Variants in PPM1L observed in about 807,000 individuals in gnomAD.
PPM1L encodes the protein protein phosphatase, Mg2+/Mn2+ dependent 1L, also known as protein phosphatase 1L.
PPM1L carries 13 observed loss-of-function variants against 31.4 expected under a neutral mutation model. That is an observed-to-expected ratio of 0.41 (90% CI 0.27 to 0.66). The LOEUF (loss-of-function observed/expected upper bound fraction) is 0.66. Among genes scored for constraint, PPM1L ranks in the 30% least tolerant of loss-of-function variants. The pLI is 0.29. For synonymous variants in PPM1L, 184 were observed against 175.4 expected (o/e 1.05, Z -0.39); for missense variants, 326 against 453.7 (o/e 0.72, Z 2.56).
chr3:160,871,790 T>A (rs144462168), intron 1 of PPM1L, among the ~76,000 whole-genome samples: 280 of 152,272 alleles, frequency 1.8e-3, no homozygotes, highest in Non-Finnish European at 2.8e-3. Context: ...GTATAATATT[T>A]AAGAGTATTT....
chr3:160,788,462 G>A (rs941641868), intron 1 of PPM1L, among the ~76,000 whole-genome samples: 1 of 152,026 alleles, frequency 6.6e-6, no homozygotes, highest in African/African-American at 2.4e-5. Flanking sequence ...CTGATGAAGT[G>A]TAAGAGTTCT....
intron 1 of PPM1L, among the ~76,000 whole-genome samples, chr3:160,828,609 G>A (rs546525010): frequency 1.3e-5 from 2 of 152,076 alleles, no homozygotes; most frequent in African/African-American, 4.8e-5. Context: ...GTATTGCTGG[G>A]GGTGGGTAGA....
chr3:160,793,158 C>T (rs1168488643), intron 1 of PPM1L, among the ~76,000 whole-genome samples: 1 of 152,124 alleles, frequency 6.6e-6, no homozygotes, highest in Non-Finnish European at 1.5e-5. Context: ...TTTCATACCT[C>T]ACTATTTGGA....
At chr3:160,960,013 G>T (rs1715901138) in intron 1 of PPM1L, among the ~76,000 whole-genome samples, 1 of 151,638 alleles carries the variant, frequency 6.6e-6, no homozygotes, top group Non-Finnish European at 1.5e-5. Context: ...CTGTGACTTT[G>T]ATTTTTAACC....
chr3:160,926,602 G>C (rs770019375), intron 1 of PPM1L, among the ~76,000 whole-genome samples: 9 of 152,146 alleles, frequency 5.9e-5, no homozygotes, highest in Non-Finnish European at 7.4e-5. Context: ...ACATTGAATT[G>C]ACTTTGGAGC....
chr3:160,879,168 A>T (rs1353962255), intron 1 of PPM1L, among the ~76,000 whole-genome samples: 1 of 152,166 alleles, frequency 6.6e-6, no homozygotes, highest in Non-Finnish European at 1.5e-5. Flanking sequence ...AAACTTTCCC[A>T]TGTATATGGC....
intron 1 of PPM1L, among the ~76,000 whole-genome samples, chr3:160,809,995 A>C (rs1165247345): frequency 6.6e-6 from 1 of 152,084 alleles, no homozygotes; most frequent in Non-Finnish European, 1.5e-5. Flanking sequence ...GTTATATGAT[A>C]TACTGTATGT....
chr3:160,943,967 T>C (rs1715242238), intron 1 of PPM1L, among the ~76,000 whole-genome samples: 1 of 152,136 alleles, frequency 6.6e-6, no homozygotes, highest in South Asian at 2.1e-4. Context: ...GATGGCAAAG[T>C]TTATAATTTT....
chr3:160,781,271 T>C (rs1018970648), intron 1 of PPM1L, among the ~76,000 whole-genome samples: 34 of 152,290 alleles, frequency 2.2e-4, no homozygotes, highest in African/African-American at 7.5e-4. Context: ...CTGACAGATA[T>C]AGCTTAGGGA....
At chr3:161,014,863 G>C (rs558072068) in intron 2 of PPM1L, among the ~76,000 whole-genome samples, 17 of 152,266 alleles carry the variant, frequency 1.1e-4, no homozygotes, top group Non-Finnish European at 2.1e-4. Context: ...ATTTGGGGAT[G>C]GGGGGAGTCA....
rs547326553 is a variant in PPM1L at position 160,966,914 on chromosome 3, A to G, written c.574+5004A>G. 5.0e-4 allele frequency among the ~76,000 whole-genome samples: 76 copies of G among 152,180 alleles called. No homozygotes were observed. In the South Asian group the frequency reaches 0.015, roughly 31 times the overall value. On this transcript the variant is annotated intron_variant, in intron 2 of 3. Transcript: ENST00000498165. Reference sequence around the variant, plus strand: ...TTCAATAATGTTTTTTATATTCTGTATATAAAAGCAGGAATTATGTAAACC... The same window carrying G: ...TTCAATAATGTTTTTTATATTCTGTGTATAAAAGCAGGAATTATGTAAACC...
intron 1 of PPM1L, among the ~76,000 whole-genome samples, chr3:160,770,076 T>G (rs1490038509): frequency 6.6e-6 from 1 of 152,212 alleles, no homozygotes; most frequent in East Asian, 1.9e-4. Flanking sequence ...ATTGTCAATT[T>G]ATAAAAATGC....
chr3:161,044,292 G>A (rs1718992719), intron 2 of PPM1L, among the ~76,000 whole-genome samples: 1 of 151,966 alleles, frequency 6.6e-6, no homozygotes, highest in African/African-American at 2.4e-5. Context: ...CACCCACCTT[G>A]GCCTCCTAAA....
chr3:160,770,859 A>G (rs1715233642), intron 1 of PPM1L, among the ~76,000 whole-genome samples: 1 of 152,106 alleles, frequency 6.6e-6, no homozygotes, highest in African/African-American at 2.4e-5. Context: ...CCTAGTTTCT[A>G]CTATCTGTCC....
intron 1 of PPM1L, among the ~76,000 whole-genome samples, chr3:160,802,060 G>A (rs1469514307): frequency 6.6e-6 from 1 of 152,060 alleles, no homozygotes; most frequent in Non-Finnish European, 1.5e-5. Context: ...TGGCTACGTC[G>A]GGTTCTGCCC....
At chr3:161,042,072 C>G (rs911100201) in intron 2 of PPM1L, among the ~76,000 whole-genome samples, 5 of 152,320 alleles carry the variant, frequency 3.3e-5, no homozygotes, top group African/African-American at 1.2e-4. Context: ...TTCCTCCCCA[C>G]CACCCTTGGC....
In PPM1L at chr3:161,060,736, T is replaced by A. The variant is rs543484285; in HGVS notation, c.575-4667T>A. On this transcript the variant is annotated intron_variant, in intron 2 of 3. Coordinates refer to ENST00000498165, the MANE Select transcript of PPM1L (RefSeq NM_139245.4). Reference sequence around the variant, plus strand: ...TGTGAATTCGCTTTTTTTTTTTTTTTAAGCTTTTTGGGTTTTTTTTTAAAC... The same window carrying A: ...TGTGAATTCGCTTTTTTTTTTTTTTAAAGCTTTTTGGGTTTTTTTTTAAAC... Among the ~76,000 whole-genome samples, 12 of 151,434 alleles carry A rather than the reference T, an allele frequency of 7.9e-5. No individual in the cohort carries two copies. The East Asian group carries it at 2.1e-3, about 27-fold the overall frequency.
chr3:160,863,615 G>T (rs1339225893), intron 1 of PPM1L, among the ~76,000 whole-genome samples: 1 of 152,172 alleles, frequency 6.6e-6, no homozygotes, highest in Non-Finnish European at 1.5e-5. Flanking sequence ...TGTACAGTGT[G>T]ATCCGAAGTT....
intron 1 of PPM1L, among the ~76,000 whole-genome samples, chr3:160,940,558 C>T (rs1054133120): frequency 6.6e-6 from 1 of 152,198 alleles, no homozygotes; most frequent in Non-Finnish European, 1.5e-5. Flanking sequence ...ATGTACAGCT[C>T]GGGCTGTGGC....
Sources: gnomAD v4.1 joint callset for allele counts (sites outside exome capture counted in the v4.1 genomes callset) on GRCh38, gnomAD v4.1.1 for gene constraint, MANE v1.5 for transcripts, NCBI Gene and HGNC (gene_info 2026-07-23, HGNC 2026-07-21) for gene names.